The following CPED1 variants were observed in gnomAD, a reference collection of about 807,000 sequenced individuals.
The protein encoded by CPED1 is cadherin like and PC-esterase domain containing 1, also known as cadherin-like and PC-esterase domain-containing protein 1.
Under a neutral mutation model 128.2 loss-of-function variants are expected in CPED1, and 114 were observed. That is an observed-to-expected ratio of 0.89 (90% CI 0.76 to 1.04). CPED1 has a LOEUF of 1.04. CPED1 is among the 50% of genes least tolerant of loss of function. The pLI is 0.00. For synonymous variants in CPED1, 462 were observed against 426.7 expected, an observed-to-expected ratio of 1.08 and a Z score of -1.02; for missense variants, 1,211 against 1,207.1, an observed-to-expected ratio of 1.00 and a Z score of -0.05.
chr7:121,016,478 G>A (rs149210135), intron 3 of CPED1, among the ~76,000 whole-genome samples: 306 of 152,228 alleles, frequency 2.0e-3, no homozygotes, highest in African/African-American at 7.1e-3. Flanking sequence ...TGTATTCATG[G>A]TCACATTTAA....
At chr7:121,163,837 A>C (rs1796464979) in intron 16 of CPED1, among the ~76,000 whole-genome samples, 1 of 152,208 alleles carries the variant, frequency 6.6e-6, no homozygotes, top group South Asian at 2.1e-4. Context: ...CTCTCCAAAG[A>C]TAAAATAAAT....
intron 5 of CPED1, among the ~76,000 whole-genome samples, chr7:121,074,758 GT>G (rs1216382229): frequency 6.6e-6 from 1 of 151,802 alleles, no homozygotes; most frequent in African/African-American, 2.4e-5. Context: ...GCTTTAAGTT[GT>G]CATATAATGA....
At chr7:121,251,959 A>G (rs997972821) in intron 18 of CPED1, among the ~76,000 whole-genome samples, 35 of 151,804 alleles carry the variant, frequency 2.3e-4, no homozygotes, top group Admixed American at 3.9e-4. Flanking sequence ...ATTGGAAAAA[A>G]CTACTTTAAA....
At chr7:121,147,500 A>G (rs541606466) in intron 16 of CPED1, among the ~76,000 whole-genome samples, 1 of 152,028 alleles carries the variant, frequency 6.6e-6, no homozygotes, top group Admixed American at 6.6e-5. Context: ...AGTGTTTAGG[A>G]ATTAATAAAA....
At chr7:121,076,908 AT>A (rs1017747062) in intron 5 of CPED1, among the ~76,000 whole-genome samples, 62 of 152,004 alleles carry the variant, frequency 4.1e-4, no homozygotes, top group African/African-American at 1.4e-3. Context: ...ATATTGGTGG[AT>A]TTTTTTAAAG....
intron 2 of CPED1, among the ~76,000 whole-genome samples, chr7:121,014,368 A>T (rs901673101): frequency 6.6e-6 from 1 of 151,914 alleles, no homozygotes; most frequent in Non-Finnish European, 1.5e-5. Context: ...CTGGCTAACA[A>T]GGTGAAACCC....
rs180792833 is a variant in CPED1 at position 121,213,531 on chromosome 7, A to T, written c.2056-23183A>T. 1.7e-3 allele frequency among the ~76,000 whole-genome samples: 253 copies of T among 152,096 alleles called. 1 individual carries two copies. Among genetic ancestry groups the T allele is most frequent in the Middle Eastern group, 0.014 (4 of 294 alleles). On this transcript the variant is annotated intron_variant, in intron 16 of 22. Coordinates refer to ENST00000310396, the MANE Select transcript of CPED1 (RefSeq NM_024913.5). ...TTAGCTTATTGACTGTCCTCCCGTA[A>T]TTCCCACAATTTTTAAAGAGCGAAT...
intron 16 of CPED1, among the ~76,000 whole-genome samples, chr7:121,183,773 G>T (rs903850747): frequency 3.3e-5 from 5 of 152,132 alleles, no homozygotes; most frequent in African/African-American, 1.2e-4. Flanking sequence ...ATAAAGCACA[G>T]AATTAGTTTA....
At chr7:121,017,559 G>A (rs1420699298) in intron 3 of CPED1, among the ~76,000 whole-genome samples, 5 of 152,110 alleles carry the variant, frequency 3.3e-5, no homozygotes, top group East Asian at 1.9e-4. Context: ...TCTTGGAGCC[G>A]TGCAGAATGG....
chr7:121,292,745 T>C (rs912394640), intron 22 of CPED1, among the ~76,000 whole-genome samples: 1 of 152,110 alleles, frequency 6.6e-6, no homozygotes, highest in Non-Finnish European at 1.5e-5. Flanking sequence ...TTGCTTTCTG[T>C]TTGTTAGTTT....
intron 16 of CPED1, among the ~76,000 whole-genome samples, chr7:121,176,198 A>AC: frequency 7.2e-6 from 1 of 138,130 alleles, no homozygotes. Context: ...CGCTGGAAAA[A>AC]AAAAAAAAAA....
chr7:121,025,954 CG>C (rs1271263812), intron 3 of CPED1, among the ~76,000 whole-genome samples: 1 of 152,096 alleles, frequency 6.6e-6, no homozygotes, highest in East Asian at 1.9e-4. Context: ...AGTGCTATCC[CG>C]GCAGTATCTA....
chr7:121,280,381 C>A (rs905561123), intron 22 of CPED1, among the ~76,000 whole-genome samples: 1 of 152,182 alleles, frequency 6.6e-6, no homozygotes, highest in Non-Finnish European at 1.5e-5. Context: ...GAGCTCCTTA[C>A]AATCAGTCTC....
chr7:120,990,686 T>C (rs1200344314), intron 2 of CPED1, among the ~76,000 whole-genome samples: 1 of 152,192 alleles, frequency 6.6e-6, no homozygotes, highest in Admixed American at 6.5e-5. Flanking sequence ...GCAAAGCTAC[T>C]AAATTTTATG....
chr7:121,030,342 C>T (rs1220343468), intron 3 of CPED1, among the ~76,000 whole-genome samples: 3 of 152,274 alleles, frequency 2.0e-5, no homozygotes, highest in Middle Eastern at 3.4e-3. Flanking sequence ...TTTCACTTTC[C>T]GTGGTTCCAG....
At chr7:121,283,481 A>G (rs180724485) in intron 22 of CPED1, among the ~76,000 whole-genome samples, 1 of 152,244 alleles carries the variant, frequency 6.6e-6, no homozygotes, top group Non-Finnish European at 1.5e-5. Context: ...CATGCAATGC[A>G]TTCCAGCTCC....
intron 7 of CPED1, 41 bp downstream of exon 7, chr7:121,100,135 T>C (rs1794813957): frequency 6.3e-7 from 1 of 1,584,426 alleles, no homozygotes; most frequent in Admixed American, 1.7e-5. Context: ...GTAAGTACAC[T>C]GAAGTAAAGT....
At chr7:121,146,167 T>C (rs1796020352) in intron 16 of CPED1, among the ~76,000 whole-genome samples, 1 of 152,138 alleles carries the variant, frequency 6.6e-6, no homozygotes, top group African/African-American at 2.4e-5. Flanking sequence ...CACCGGCCTT[T>C]GGTGTCTGGT....
intron 3 of CPED1, among the ~76,000 whole-genome samples, chr7:121,043,821 T>C (rs1257476082): frequency 5.3e-5 from 8 of 152,236 alleles, no homozygotes; most frequent in Admixed American, 5.2e-4. Flanking sequence ...ATTTGCATTT[T>C]GGCAAATACT....
Sources: allele counts gnomAD v4.1 joint callset (sites outside exome capture counted in the v4.1 genomes callset), GRCh38; gene constraint gnomAD v4.1.1; transcripts MANE v1.5; gene names NCBI Gene and HGNC (gene_info 2026-07-23, HGNC 2026-07-21).